The following RHOBTB3 variants were observed in gnomAD, a reference collection of about 807,000 sequenced individuals.
RHOBTB3 encodes the protein rho-related BTB domain-containing protein 3.
Under a neutral mutation model 67.2 loss-of-function variants are expected in RHOBTB3, and 47 were observed. The ratio of observed to expected loss-of-function variants is 0.70; its 90% CI spans 0.55 to 0.89. The LOEUF is 0.89. Among genes scored for constraint, RHOBTB3 ranks in the 40% least tolerant of loss-of-function variants. RHOBTB3 has a pLI of 0.00. For synonymous variants in RHOBTB3, 273 were observed against 274.2 expected (o/e 1.00, Z 0.04); for missense variants, 631 against 750.0 (o/e 0.84, Z 1.85).
intron 10 of RHOBTB3, among the ~76,000 whole-genome samples, chr5:95,786,348 C>G (rs538080453): frequency 2.0e-5 from 3 of 152,218 alleles, no homozygotes; most frequent in African/African-American, 7.2e-5. Context: ...TCTGAACACT[C>G]TGCCAGTTTT....
intron 6 of RHOBTB3, among the ~76,000 whole-genome samples, chr5:95,758,797 A>C (rs1310052408): frequency 6.6e-6 from 1 of 152,172 alleles, no homozygotes; most frequent in Non-Finnish European, 1.5e-5. Flanking sequence ...GGGGCATGAG[A>C]TTCTGCATTT....
rs1471470636 is a variant in RHOBTB3 at position 95,763,669 on chromosome 5, A to G, written c.1161+49A>G. 8.9e-6 allele frequency: 9 copies of G among 1,006,344 alleles called. No homozygotes were observed. The Middle Eastern group carries it at 6.9e-4, about 77-fold the overall frequency. 62.3% of individuals were successfully genotyped at this position (1,006,344 alleles called of 1,614,324 possible). On this transcript the variant is annotated intron_variant, in intron 7 of 11. Coordinates refer to ENST00000379982, the MANE Select transcript of RHOBTB3 (RefSeq NM_014899.4). ...GTTTACTTTGACCCTCTGAATTATAACTCACATACTATGATGAATATAAAA... is the reference window on the plus strand; with the variant it reads ...GTTTACTTTGACCCTCTGAATTATAGCTCACATACTATGATGAATATAAAA...
At chr5:95,741,012 C>T (rs987111186) in intron 3 of RHOBTB3, among the ~76,000 whole-genome samples, 1 of 152,110 alleles carries the variant, frequency 6.6e-6, no homozygotes, top group African/African-American at 2.4e-5. Context: ...ATCTAACATA[C>T]TATTACATTT....
chr5:95,723,931 A>C (rs1329854697), intron 1 of RHOBTB3, among the ~76,000 whole-genome samples: 1 of 152,216 alleles, frequency 6.6e-6, no homozygotes, highest in East Asian at 1.9e-4. Context: ...AATTACATGC[A>C]TATGTTACTA....
rs1415955181 is a variant in RHOBTB3 at position 95,731,340 on chromosome 5, G to A, written c.-343G>A. On this transcript the variant is annotated 5_prime_UTR_variant, in exon 1 of 12. Transcript: ENST00000379982. The stretch of plus-strand genomic sequence containing the variant: ...AGGAGGAGCAGCGGCAGCGGCAGCA[G>A]GAGGCGACAGCTGCCAGCCGAGGAG... 3 of 1,111,640 alleles carry A rather than the reference G, an allele frequency of 2.7e-6. No individual in the cohort carries two copies. Among genetic ancestry groups the A allele is most frequent in the Non-Finnish European group, 3.3e-6 (3 of 914,334 alleles). 68.9% of individuals were successfully genotyped at this position (1,111,640 alleles called of 1,614,324 possible).
Position 95,780,249 on chromosome 5 carries a change from C to T in RHOBTB3, c.1283-3C>T, listed in dbSNP as rs1746007464. The T allele has an allele frequency of 6.2e-7, 1 of 1,612,492 alleles. No individual in the cohort carries two copies. The highest frequency in any genetic ancestry group is 8.5e-7 in the Non-Finnish European group (1 of 1,179,096). ...TTTCTTGTTTCCCTTTTGAACCTTTCAGGTACGACAGTGCCAGCCCACAGG... is the reference window on the plus strand; with the variant it reads ...TTTCTTGTTTCCCTTTTGAACCTTTTAGGTACGACAGTGCCAGCCCACAGG... On this transcript the variant is annotated splice_polypyrimidine_tract_variant and splice_region_variant and intron_variant, in intron 8 of 11. Coordinates refer to ENST00000379982, the MANE Select transcript of RHOBTB3 (RefSeq NM_014899.4).
upstream of RHOBTB3, among the ~76,000 whole-genome samples, chr5:95,729,703 C>T (rs1215849946): frequency 1.3e-5 from 2 of 152,102 alleles, no homozygotes; most frequent in African/African-American, 4.8e-5. Context: ...CCCCTGGTAA[C>T]CATGATTCTA....
In RHOBTB3 at chr5:95,768,684, C is replaced by T. The variant is rs151249455; in HGVS notation, c.1282+518C>T. On this transcript the variant is annotated intron_variant, in intron 8 of 11. Coordinates refer to ENST00000379982, the MANE Select transcript of RHOBTB3 (RefSeq NM_014899.4). ...CATAGATATTGCTACATTTATTCCTCCTAGCACTCTGAGAATTTTATCACC... is the reference window on the plus strand; with the variant it reads ...CATAGATATTGCTACATTTATTCCTTCTAGCACTCTGAGAATTTTATCACC... Among the ~76,000 whole-genome samples the T allele has an allele frequency of 2.5e-3, 374 of 152,342 alleles. 3 individuals carry two copies. The highest frequency in any genetic ancestry group is 8.6e-3 in the African/African-American group (359 of 41,576).
At chr5:95,771,866 C>T (rs1745724608) in intron 8 of RHOBTB3, among the ~76,000 whole-genome samples, 1 of 152,074 alleles carries the variant, frequency 6.6e-6, no homozygotes, top group Non-Finnish European at 1.5e-5. Context: ...ATCTAAGAAG[C>T]TTCTCATTTC....
rs1426469015 is a variant in RHOBTB3, at chr5:95,795,400, A to G, written c.*2226A>G. The G allele has an allele frequency of 2.6e-5, 4 of 152,230 alleles. No homozygotes were observed. The highest frequency in any genetic ancestry group is 6.5e-5 in the Admixed American group (1 of 15,278). The allele number at this position is 152,230 out of a possible 1,614,324, so 9.4% of individuals were successfully genotyped here. A position where few individuals can be genotyped will look rare whatever the true frequency, so the allele number is the denominator to read the frequency against. On this transcript the variant is annotated 3_prime_UTR_variant, in exon 12 of 12. Coordinates refer to ENST00000379982, the MANE Select transcript of RHOBTB3 (RefSeq NM_014899.4). ...TTCATGAGCATATTCGCACCCCTATATGAATTACAGCATTTAAAGTTCAAA... is the reference window on the plus strand; with the variant it reads ...TTCATGAGCATATTCGCACCCCTATGTGAATTACAGCATTTAAAGTTCAAA...
At chr5:95,738,869 A>C (rs1224363401) in intron 3 of RHOBTB3, among the ~76,000 whole-genome samples, 3 of 152,142 alleles carry the variant, frequency 2.0e-5, no homozygotes. Flanking sequence ...TCTCTTGTTG[A>C]AATTATTGAA....
Position 95,735,951 on chromosome 5 carries a change from A to T in RHOBTB3, c.229-938A>T, listed in dbSNP as rs1755444330. 2.0e-5 allele frequency among the ~76,000 whole-genome samples: 3 copies of T among 152,174 alleles called. No individual in the cohort carries two copies. The South Asian group carries it at 6.2e-4, about 31-fold the overall frequency. On this transcript the variant is annotated intron_variant, in intron 2 of 11. Transcript: ENST00000379982. The stretch of plus-strand genomic sequence containing the variant: ...ACCCCATCTCTGCTAAAGTACAAAA[A>T]AATTAGCCGGAATGGTGGTACACAC...
At chr5:95,741,400 T>A (rs1250373241) in intron 3 of RHOBTB3, among the ~76,000 whole-genome samples, 1 of 151,588 alleles carries the variant, frequency 6.6e-6, no homozygotes, top group Non-Finnish European at 1.5e-5. Flanking sequence ...TTCCTTATAA[T>A]GTGCTTTATA....
At chr5:95,762,647 T>C (rs1745426402) in intron 6 of RHOBTB3, among the ~76,000 whole-genome samples, 1 of 152,168 alleles carries the variant, frequency 6.6e-6, no homozygotes, top group Admixed American at 6.5e-5. Flanking sequence ...CTATAAATCA[T>C]AGGATGGATG....
At position 95,793,050 on chromosome 5, in the gene RHOBTB3, A is replaced by T; in HGVS notation, c.1721-9A>T. The T allele has an allele frequency of 6.3e-7, 1 of 1,597,112 alleles. No individual in the cohort carries two copies. Among genetic ancestry groups the T allele is most frequent in the Non-Finnish European group, 8.6e-7 (1 of 1,166,784 alleles). ...TATTCGGTTAACAGTCTTTTTCTTAAAACTTCAGTGGAAGAACGCAGTTTT... is the reference window on the plus strand; with the variant it reads ...TATTCGGTTAACAGTCTTTTTCTTATAACTTCAGTGGAAGAACGCAGTTTT... On this transcript the variant is annotated splice_polypyrimidine_tract_variant and intron_variant, in intron 11 of 11. Transcript: ENST00000379982.
At chr5:95,791,452 C>T (rs1746388347) in intron 11 of RHOBTB3, among the ~76,000 whole-genome samples, 1 of 152,190 alleles carries the variant, frequency 6.6e-6, no homozygotes, top group Admixed American at 6.5e-5. Flanking sequence ...GCTGCCAGAG[C>T]TCATCTCTAA....
chr5:95,776,393 G>A (rs1228477500), intron 8 of RHOBTB3, among the ~76,000 whole-genome samples: 1 of 151,630 alleles, frequency 6.6e-6, no homozygotes, highest in Non-Finnish European at 1.5e-5. Context: ...AAGACAGAGT[G>A]AGACTCTGTC....
intron 10 of RHOBTB3, among the ~76,000 whole-genome samples, chr5:95,785,008 C>T (rs1350418484): frequency 6.6e-6 from 1 of 152,336 alleles, no homozygotes; most frequent in South Asian, 2.1e-4. Flanking sequence ...TCCAACATGT[C>T]TATACCTATC....
intron 1 of RHOBTB3, 78 bp downstream of exon 1, chr5:95,731,762 T>A: frequency 1.9e-6 from 3 of 1,607,018 alleles, no homozygotes; most frequent in Non-Finnish European, 2.6e-6. Context: ...CTGGTGCCCA[T>A]CCTCGCCGCG....
Sources: gnomAD v4.1 joint callset for allele counts (sites outside exome capture counted in the v4.1 genomes callset) on GRCh38, gnomAD v4.1.1 for gene constraint, MANE v1.5 for transcripts, NCBI Gene and HGNC (gene_info 2026-07-23, HGNC 2026-07-21) for gene names.